The following SVEP1 variants were observed in gnomAD, a reference collection of about 807,000 sequenced individuals.
SVEP1 encodes sushi, von Willebrand factor type A, EGF and pentraxin domain containing 1, also known as sushi, von Willebrand factor type A, EGF and pentraxin domain-containing protein 1.
SVEP1 carries 164 observed loss-of-function variants against 367.3 expected under a neutral mutation model. That is an observed-to-expected ratio of 0.45 (90% CI 0.39 to 0.51). The LOEUF (loss-of-function observed/expected upper bound fraction) is 0.51. Among genes scored for constraint, SVEP1 ranks in the 20% least tolerant of loss-of-function variants. SVEP1 has a pLI of 0.00. For missense variants in SVEP1, 4,117 were observed against 4,425.3 expected (o/e 0.93, Z 1.98); for synonymous variants, 1,666 against 1,611.6 (o/e 1.03, Z -0.81).
rs183413008 is a variant in SVEP1 at position 110,470,005 on chromosome 9, A to G, written c.2999-904T>C. Among the ~76,000 whole-genome samples, 7 of 152,352 alleles carry G rather than the reference A, an allele frequency of 4.6e-5. No individual in the cohort carries two copies. The East Asian group carries it at 1.4e-3, about 29-fold the overall frequency. ...TTGGACTAGCAATAAGAACTGTGGA[A>G]GAAGGGCACAAGAACCCACGTTTAT... On this transcript the variant is annotated intron_variant, in intron 16 of 47. Coordinates refer to ENST00000374469, the MANE Select transcript of SVEP1 (RefSeq NM_153366.4).
At chr9:110,463,501 C>G (rs1344946290) in intron 18 of SVEP1, among the ~76,000 whole-genome samples, 1 of 145,412 alleles carries the variant, frequency 6.9e-6, no homozygotes, top group African/African-American at 2.6e-5. Context: ...AAACAGTACA[C>G]TATAAAAATA....
At position 110,579,061 on chromosome 9, in the gene SVEP1, G is replaced by C. The variant is rs376244284; in HGVS notation, c.483C>G (p.Ser161=). The part of the protein sequence containing the change: ...ALLLQEIPAI[S]YRGGGTYTKG... ...TGGTGTAGGTGCCGCCACCTCGGTAGGAGATGGCAGGGATCTCTTGGAGGA... is the reference window on the plus strand; with the variant it reads ...TGGTGTAGGTGCCGCCACCTCGGTACGAGATGGCAGGGATCTCTTGGAGGA... The change falls in exon 1 of 48, where the codon TCC becomes TCG. Residue 161 remains serine (S), a synonymous_variant. Coordinates refer to ENST00000374469, the MANE Select transcript of SVEP1 (RefSeq NM_153366.4). This position sits in a 1 kb window ranked among gnomAD's most constrained non-coding sequence, Gnocchi z 5.3. 8.0e-4 allele frequency: 1,236 copies of C among 1,550,530 alleles called. 2 individuals are homozygous for C. Among genetic ancestry groups the C allele is most frequent in the Admixed American group, 1.5e-3 (74 of 51,030 alleles).
chr9:110,453,513 A>G (rs1181268851), intron 22 of SVEP1, among the ~76,000 whole-genome samples: 2 of 152,184 alleles, frequency 1.3e-5, no homozygotes, highest in Non-Finnish European at 2.9e-5. Flanking sequence ...AAAAAAGTAT[A>G]TAAGTGATCC....
rs1247461363 is a variant in SVEP1, at chr9:110,385,954, C to A, written c.10181G>T (p.Gly3394Val). Residue 3394 changes from glycine (G) to valine (V), a missense_variant, in exon 43 of 48, where the codon GGC becomes GTC. Gly to Val is a moderately radical substitution (Grantham distance 109). Around this residue, in one of 4 missense-constraint regions of SVEP1, gnomAD observed 1,765 missense variants for 1,781.1 expected, o/e 0.99. Transcript: ENST00000374469. ...CREGFLLQGH[G>V]IITCNPDETW... ...CTCGTCGGGGTTGCAGGTAATGATG[C>A]CGTGGCCCTGCAGCAGAAAACCTTC... 8 of 1,613,752 alleles carry A rather than the reference C, an allele frequency of 5.0e-6. No homozygotes were observed. The Middle Eastern group carries it at 6.6e-4, about 133-fold the overall frequency.
intron 1 of SVEP1, among the ~76,000 whole-genome samples, chr9:110,553,816 C>T (rs796399895): frequency 8.5e-5 from 13 of 152,276 alleles, no homozygotes; most frequent in East Asian, 3.9e-4. Flanking sequence ...AGTGGCCCAT[C>T]GTGCAGCAAT....
At chr9:110,467,596 C>T (rs1408851378) in intron 17 of SVEP1, among the ~76,000 whole-genome samples, 3 of 150,044 alleles carry the variant, frequency 2.0e-5, no homozygotes, top group African/African-American at 4.9e-5. Flanking sequence ...CGTGATACCT[C>T]GTTGGATAAA....
chr9:110,476,334 G>C lies in SVEP1; in HGVS notation c.2488-19C>G. 6.4e-7 allele frequency: 1 copy of C among 1,571,262 alleles called. No individual in the cohort carries two copies. Among genetic ancestry groups the C allele is most frequent in the Non-Finnish European group, 8.8e-7 (1 of 1,141,886 alleles). The stretch of plus-strand genomic sequence containing the variant: ...ATGGGACCTGCAAGTAAAAAATGAA[G>C]AGGATAAAGTGTAAATCACTTTTCT... On this transcript the variant is annotated intron_variant, in intron 13 of 47. Transcript: ENST00000374469.
intron 19 of SVEP1, 23 bp downstream of exon 19, chr9:110,458,929 A>G (rs983750844): frequency 4.4e-6 from 7 of 1,604,536 alleles, no homozygotes; most frequent in Non-Finnish European, 5.1e-6. Flanking sequence ...ATAGGATTAC[A>G]TAAGAAATGA....
At position 110,407,760 on chromosome 9, in the gene SVEP1, C is replaced by T; in HGVS notation, c.7840G>A (p.Gly2614Ser). The T allele has an allele frequency of 6.2e-7, 1 of 1,613,932 alleles. No homozygotes were observed. The highest frequency in any genetic ancestry group is 8.5e-7 in the Non-Finnish European group (1 of 1,179,878). The stretch of plus-strand genomic sequence containing the variant: ...CCAAAATCTATATGAGGAGGGAGGC[C>T]ACAGTCTATTGGCATACATGTTGGG... Reference protein sequence around the residue: ...SIPTCMPIDCGLPPHIDFGDC... With the variant: ...SIPTCMPIDCSLPPHIDFGDC... The change falls in exon 38 of 48, where the codon GGC becomes AGC. Residue 2614 changes from glycine to serine, a missense_variant. Physicochemically the swap from Gly to Ser is moderately conservative, Grantham distance 56. Transcript: ENST00000374469.
chr9:110,480,836 G>A (rs187191025), intron 12 of SVEP1, among the ~76,000 whole-genome samples: 12 of 151,874 alleles, frequency 7.9e-5, no homozygotes, highest in Admixed American at 7.9e-4. Flanking sequence ...ATGGTAGGCT[G>A]GTCTCGAACT....
intron 43 of SVEP1, among the ~76,000 whole-genome samples, chr9:110,382,009 T>C (rs1393089773): frequency 6.6e-6 from 1 of 152,098 alleles, no homozygotes; most frequent in Non-Finnish European, 1.5e-5. Context: ...ATACAACCCC[T>C]ATTTTTTTCC....
chr9:110,475,628 T>C (rs751424587), intron 14 of SVEP1, among the ~76,000 whole-genome samples: 1 of 151,880 alleles, frequency 6.6e-6, no homozygotes, highest in South Asian at 2.1e-4. Context: ...CTCGAACTCC[T>C]GGGCTCAAGG....
At chr9:110,545,564 A>T (rs1181178359) in intron 3 of SVEP1, among the ~76,000 whole-genome samples, 1 of 152,154 alleles carries the variant, frequency 6.6e-6, no homozygotes. Context: ...GCATTTTTTT[A>T]TGTGTAAATC....
intron 8 of SVEP1, among the ~76,000 whole-genome samples, chr9:110,491,529 C>T (rs1829365753): frequency 6.6e-6 from 1 of 150,542 alleles, no homozygotes; most frequent in Admixed American, 6.6e-5. Flanking sequence ...AAGTAGAATC[C>T]CTTTTTAACC....
At chr9:110,456,949 A>G (rs1177737750) in intron 21 of SVEP1, among the ~76,000 whole-genome samples, 1 of 152,232 alleles carries the variant, frequency 6.6e-6, no homozygotes, top group Non-Finnish European at 1.5e-5. Flanking sequence ...AGTATCATGC[A>G]TATAATTTTT....
chr9:110,445,833 T>C lies in SVEP1; in HGVS notation c.4463+4A>G. 1 of 1,613,680 alleles carries C rather than the reference T, an allele frequency of 6.2e-7. No homozygotes were observed. The highest frequency in any genetic ancestry group is 1.1e-5 in the South Asian group (1 of 91,068). ...AGCATAGCCTTCCCGACACTTCTGC[T>C]TACCCGTTATAATCAGTCAGGAGCA... On this transcript the variant is annotated splice_donor_region_variant and intron_variant, in intron 26 of 47. Transcript: ENST00000374469.
intron 5 of SVEP1, among the ~76,000 whole-genome samples, chr9:110,504,148 G>C (rs1005662434): frequency 1.4e-4 from 21 of 151,966 alleles, no homozygotes; most frequent in Admixed American, 1.4e-3. Flanking sequence ...TCCACCTCCT[G>C]GGTTCACGCC....
intron 40 of SVEP1, among the ~76,000 whole-genome samples, chr9:110,396,090 A>G (rs940579821): frequency 1.3e-5 from 2 of 152,222 alleles, no homozygotes; most frequent in African/African-American, 4.8e-5. Context: ...CTGACGACAC[A>G]GTTGGAAATA....
chr9:110,428,066 T>C lies in SVEP1; in HGVS notation c.5808-308A>G, dbSNP rs567769805. Among the ~76,000 whole-genome samples the C allele has an allele frequency of 1.6e-4, 24 of 152,186 alleles. 1 individual carries two copies. Among genetic ancestry groups the C allele is most frequent in the African/African-American group, 5.3e-4 (22 of 41,522 alleles). On this transcript the variant is annotated intron_variant, in intron 35 of 47. Transcript: ENST00000374469. ...ACCTGTGAAGAGCAGATTACTTGGA[T>C]GAGAAGGGGTTCATTAGACTGGTTA... is the stretch of plus-strand genomic sequence containing the variant.
Sources: allele counts gnomAD v4.1 joint callset (sites outside exome capture counted in the v4.1 genomes callset), GRCh38; gene constraint gnomAD v4.1.1; regional missense constraint gnomAD v4.1.1; non-coding constraint Gnocchi (gnomAD v3.1); transcripts MANE v1.5; gene names NCBI Gene and HGNC (gene_info 2026-07-23, HGNC 2026-07-21).